Variants in ITFG1 observed in about 807,000 individuals in gnomAD.
The protein encoded by ITFG1 is T-cell immunomodulatory protein.
A neutral mutation model predicts 81.8 loss-of-function variants in ITFG1; 34 were observed. That is an observed-to-expected ratio of 0.42 (90% confidence interval 0.32 to 0.55). The LOEUF is 0.55. Among genes scored for constraint, ITFG1 ranks in the 20% least tolerant of loss-of-function variants. The pLI is 0.17. For missense variants in ITFG1, 672 were observed against 755.4 expected, an observed-to-expected ratio of 0.89 and a Z score of 1.29; for synonymous variants, 285 against 270.6, an observed-to-expected ratio of 1.05 and a Z score of -0.52.
chr16:47,336,629 C>T (rs1040411246), intron 8 of ITFG1, among the ~76,000 whole-genome samples: 12 of 152,242 alleles, frequency 7.9e-5, no homozygotes, highest in Non-Finnish European at 1.6e-4. Context: ...AGTCATACAA[C>T]GGCATATAAG....
chr16:47,315,009 G>C (rs1967330494), intron 8 of ITFG1, among the ~76,000 whole-genome samples: 1 of 152,016 alleles, frequency 6.6e-6, no homozygotes, highest in African/African-American at 2.4e-5. Flanking sequence ...AATGGAAACT[G>C]ACTTCAGCAT....
intron 8 of ITFG1, among the ~76,000 whole-genome samples, chr16:47,350,024 A>G (rs1373335058): frequency 6.6e-6 from 1 of 152,230 alleles, no homozygotes; most frequent in Non-Finnish European, 1.5e-5. Flanking sequence ...AATGAGAACA[A>G]AGACACAACA....
intron 12 of ITFG1, among the ~76,000 whole-genome samples, chr16:47,252,483 ATGAGT>A (rs1966088094): frequency 6.6e-6 from 1 of 152,214 alleles, no homozygotes. Flanking sequence ...TTTGTTAGAA[ATGAGT>A]TAAGTTCTAG....
chr16:47,356,121 C>T (rs1485411988), intron 8 of ITFG1, among the ~76,000 whole-genome samples: 1 of 152,182 alleles, frequency 6.6e-6, no homozygotes, highest in Non-Finnish European at 1.5e-5. Context: ...CACTCCCTCC[C>T]TAGCTATGTG....
rs181381195 is a variant in ITFG1 at position 47,247,003 on chromosome 16, C to T, written c.1331-8995G>A. On this transcript the variant is annotated intron_variant, in intron 12 of 17. Coordinates refer to ENST00000320640, the MANE Select transcript of ITFG1 (RefSeq NM_030790.5). ...TTCACCATGTTGACCAGGCTGGTCT[C>T]GAACTTGGGGCCTCAAGTGATTCGC... is the stretch of plus-strand genomic sequence containing the variant. Among the ~76,000 whole-genome samples the T allele has an allele frequency of 5.2e-3, 798 of 152,160 alleles. 5 individuals are homozygous for T. The highest frequency in any genetic ancestry group is 6.2e-3 in the Non-Finnish European group (419 of 67,998).
At chr16:47,199,215 C>T (rs942672956) in intron 14 of ITFG1, among the ~76,000 whole-genome samples, 3 of 151,930 alleles carry the variant, frequency 2.0e-5, no homozygotes, top group Admixed American at 6.6e-5. Flanking sequence ...TGCAGTGAGC[C>T]GAGATCACGC....
At chr16:47,375,782 T>C in intron 7 of ITFG1, 94 bp downstream of exon 7, 1 of 814,094 alleles carries the variant, frequency 1.2e-6, no homozygotes, top group Non-Finnish European at 2.1e-6. Flanking sequence ...ATTGTTGAAA[T>C]CAACCAAGTG....
intron 14 of ITFG1, among the ~76,000 whole-genome samples, chr16:47,188,826 G>A (rs899261123): frequency 1.3e-5 from 2 of 152,018 alleles, no homozygotes; most frequent in Admixed American, 6.6e-5. Context: ...GTGCAGTGGC[G>A]CTATCTTGGC....
At chr16:47,277,960 A>G (rs1053052849) in intron 10 of ITFG1, among the ~76,000 whole-genome samples, 1 of 152,206 alleles carries the variant, frequency 6.6e-6, no homozygotes, top group African/African-American at 2.4e-5. Flanking sequence ...ATCTTGCGCA[A>G]ACAGATAACC....
At chr16:47,190,494 T>C (rs778797280) in intron 14 of ITFG1, among the ~76,000 whole-genome samples, 14 of 152,240 alleles carry the variant, frequency 9.2e-5, no homozygotes, top group Non-Finnish European at 1.8e-4. Flanking sequence ...GCAAAGTCAG[T>C]TCTTTCATGT....
intron 10 of ITFG1, among the ~76,000 whole-genome samples, chr16:47,306,346 C>T (rs1967158459): frequency 6.6e-6 from 1 of 151,988 alleles, no homozygotes. Context: ...AAAAGTATTG[C>T]ACAAGCCACA....
Position 47,461,019 on chromosome 16 carries a change from G to T in ITFG1, c.27C>A (p.Ser9Arg). 3 of 1,547,338 alleles carry T rather than the reference G, an allele frequency of 1.9e-6. No homozygotes were observed. Among genetic ancestry groups the T allele is most frequent in the Non-Finnish European group, 1.7e-6 (2 of 1,147,768 alleles). ...GGAGCGGCGAGAAGAGGGCCCAGGA[G>T]CTCGGGAGCCGGCCCGCCGCCGCCA... MAAAGRLP[S>R]SWALFSPLLA... Residue 9 changes from serine to arginine, a missense_variant, in exon 1 of 18, where the codon AGC becomes AGA. By Grantham distance (110) the Ser-to-Arg change is moderately radical. Around this residue, in one of 3 missense-constraint regions of ITFG1, gnomAD observed 47 missense variants for 26.4 expected, o/e 1.78. Coordinates refer to ENST00000320640, the MANE Select transcript of ITFG1 (RefSeq NM_030790.5).
chr16:47,232,286 C>T (rs906188349), intron 13 of ITFG1, among the ~76,000 whole-genome samples: 1 of 152,156 alleles, frequency 6.6e-6, no homozygotes, highest in African/African-American at 2.4e-5. Flanking sequence ...GAGAATGAGG[C>T]TTAACAGAAG....
At chr16:47,263,566 C>G (rs1966237436) in intron 10 of ITFG1, 1 of 234,416 alleles carries the variant, frequency 4.3e-6, no homozygotes, top group African/African-American at 2.3e-5. Flanking sequence ...GGATACAGTG[C>G]TTCATCTTAT....
chr16:47,209,822 G>A (rs1413987272), intron 14 of ITFG1, among the ~76,000 whole-genome samples: 1 of 152,114 alleles, frequency 6.6e-6, no homozygotes, highest in Non-Finnish European at 1.5e-5. Flanking sequence ...AAACTTCTGG[G>A]ATAGGCTTTT....
chr16:47,428,884 T>A lies in ITFG1; in HGVS notation c.575A>T (p.His192Leu), dbSNP rs886720173. Residue 192 changes from histidine to leucine, a missense_variant, in exon 6 of 18, where the codon CAT becomes CTT. Physicochemically the swap from His to Leu is moderately conservative, Grantham distance 99 (BLOSUM62 -3). Coordinates refer to ENST00000320640, the MANE Select transcript of ITFG1 (RefSeq NM_030790.5). ...TTTACTTGTAGTGGTCAATGCTGGA[T>A]GCCATGATAAATTCCTAAAAAATAA... ...QILLGGNLSW[H>L]PALTTTSKMR... The A allele has an allele frequency of 1.3e-6, 2 of 1,587,598 alleles. No individual in the cohort carries two copies. Among genetic ancestry groups the A allele is most frequent in the African/African-American group, 2.7e-5 (2 of 74,136 alleles).
chr16:47,444,058 C>T (rs759189433), intron 5 of ITFG1, among the ~76,000 whole-genome samples: 1 of 151,908 alleles, frequency 6.6e-6, no homozygotes, highest in Non-Finnish European at 1.5e-5. Context: ...TCATTTTCTG[C>T]GAGAATGAGT....
chr16:47,294,519 T>A (rs1225203972), intron 10 of ITFG1, among the ~76,000 whole-genome samples: 2 of 152,196 alleles, frequency 1.3e-5, no homozygotes, highest in East Asian at 1.9e-4. Context: ...TTTTGTGCCA[T>A]CTACAATTTC....
chr16:47,233,432 G>C (rs142489161), intron 13 of ITFG1, among the ~76,000 whole-genome samples: 2 of 152,280 alleles, frequency 1.3e-5, no homozygotes, highest in African/African-American at 2.4e-5. Flanking sequence ...TTCAGGGCAG[G>C]GGGGAACCCT....
Sources: allele counts gnomAD v4.1 joint callset (sites outside exome capture counted in the v4.1 genomes callset), GRCh38; gene constraint gnomAD v4.1.1; regional missense constraint gnomAD v4.1.1; transcripts MANE v1.5; gene names NCBI Gene and HGNC (gene_info 2026-07-23, HGNC 2026-07-21).